AGBL4: variants seen among roughly 807,000 people sequenced by gnomAD.
The protein encoded by AGBL4 is cytosolic carboxypeptidase 6.
A neutral mutation model predicts 66.4 loss-of-function variants in AGBL4; 58 were observed. That is an observed-to-expected ratio of 0.87 (90% CI 0.71 to 1.09). The LOEUF (loss-of-function observed/expected upper bound fraction) is 1.09, where lower values mean the gene tolerates loss of function less well. AGBL4 is among the 50% of genes least tolerant of loss of function. AGBL4 has a pLI of 0.00. For missense variants in AGBL4, 579 were observed against 631.0 expected (o/e 0.92, Z 0.88); for synonymous variants, 234 against 222.9 (o/e 1.05, Z -0.44).
In AGBL4 at chr1:49,106,417, CAT is replaced by C. The variant is rs369641083; in HGVS notation, c.378-60619_378-60618del. ...TTTGAATTTCAGTGAAGGGTGTTAT[CAT>C]ATGTTTGTCCTAAGAGAAGCAGTGT... On this transcript the variant is annotated intron_variant, in intron 4 of 13. Coordinates refer to ENST00000371839, the MANE Select transcript of AGBL4 (RefSeq NM_032785.4). Among the ~76,000 whole-genome samples the C allele has an allele frequency of 6.7e-4, 102 of 152,258 alleles. 2 individuals carry two copies. The East Asian group carries it at 0.016, about 24-fold the overall frequency.
At chr1:49,844,445 C>G (rs1646084707) in intron 2 of AGBL4, among the ~76,000 whole-genome samples, 1 of 152,126 alleles carries the variant, frequency 6.6e-6, no homozygotes, top group African/African-American at 2.4e-5. Flanking sequence ...TTCCTCTCCT[C>G]TTCCTTTCCT....
At chr1:49,598,631 G>A (rs1278534408) in intron 3 of AGBL4, among the ~76,000 whole-genome samples, 1 of 152,092 alleles carries the variant, frequency 6.6e-6, no homozygotes, top group Non-Finnish European at 1.5e-5. Flanking sequence ...CCCTACTGGG[G>A]GGTGCCTCCC....
At chr1:48,639,370 T>C (rs1023094164) in intron 8 of AGBL4, among the ~76,000 whole-genome samples, 1 of 152,154 alleles carries the variant, frequency 6.6e-6, no homozygotes, top group Non-Finnish European at 1.5e-5. Context: ...GAGCCTGGGG[T>C]ACAGGTCCCA....
chr1:49,366,494 G>A (rs888375977), intron 3 of AGBL4, among the ~76,000 whole-genome samples: 9 of 152,138 alleles, frequency 5.9e-5, no homozygotes, highest in Non-Finnish European at 1.0e-4. Context: ...AAAAATCTTA[G>A]GGGTGTAGGA....
chr1:49,423,393 C>T (rs1200451065), intron 3 of AGBL4, among the ~76,000 whole-genome samples: 1 of 152,154 alleles, frequency 6.6e-6, no homozygotes, highest in Non-Finnish European at 1.5e-5. Context: ...CTGGAAATAG[C>T]TGCAATTCAG....
At chr1:48,735,488 G>C (rs1204790990) in intron 6 of AGBL4, among the ~76,000 whole-genome samples, 1 of 151,316 alleles carries the variant, frequency 6.6e-6, no homozygotes, top group African/African-American at 2.4e-5. Flanking sequence ...GAAGGAAAAA[G>C]GAGGAAGGAG....
At chr1:48,885,254 A>C (rs1317323394) in intron 5 of AGBL4, among the ~76,000 whole-genome samples, 1 of 152,260 alleles carries the variant, frequency 6.6e-6, no homozygotes, top group Non-Finnish European at 1.5e-5. Context: ...TGCAATGTCC[A>C]TAAATATTTA....
chr1:49,217,504 T>C (rs1281509780), intron 4 of AGBL4, among the ~76,000 whole-genome samples: 1 of 152,150 alleles, frequency 6.6e-6, no homozygotes, highest in Non-Finnish European at 1.5e-5. Flanking sequence ...CTCTCTCTGA[T>C]CTATGCACCC....
intron 5 of AGBL4, among the ~76,000 whole-genome samples, chr1:48,940,794 A>G (rs1257687898): frequency 6.6e-6 from 1 of 152,210 alleles, no homozygotes; most frequent in African/African-American, 2.4e-5. Flanking sequence ...CTTGCTCTCA[A>G]TCATTGGTTA....
chr1:49,076,461 A>T (rs1206177744), intron 4 of AGBL4, among the ~76,000 whole-genome samples: 1 of 152,206 alleles, frequency 6.6e-6, no homozygotes, highest in Non-Finnish European at 1.5e-5. Flanking sequence ...TTCACTATTG[A>T]GTGCATTTGA....
At chr1:49,996,355 T>G (rs1307274818) in intron 1 of AGBL4, 1 of 151,986 alleles carries the variant, frequency 6.6e-6, no homozygotes, top group African/African-American at 2.4e-5. Flanking sequence ...GAGAAATAGA[T>G]AGCATAAATA....
At chr1:48,979,287 AC>A (rs1659568837) in intron 5 of AGBL4, among the ~76,000 whole-genome samples, 1 of 152,166 alleles carries the variant, frequency 6.6e-6, no homozygotes, top group African/African-American at 2.4e-5. Context: ...AACATTACTC[AC>A]TAATTCATTT....
intron 1 of AGBL4, among the ~76,000 whole-genome samples, chr1:49,976,478 C>T (rs1383311266): frequency 2.0e-5 from 3 of 152,148 alleles, no homozygotes; most frequent in African/African-American, 7.2e-5. Context: ...GAAACTAACT[C>T]TAACAAGGAA....
chr1:49,415,614 A>G (rs1387287790), intron 3 of AGBL4, among the ~76,000 whole-genome samples: 1 of 152,160 alleles, frequency 6.6e-6, no homozygotes, highest in Non-Finnish European at 1.5e-5. Context: ...CTTGAGAGTC[A>G]GGCTAAAGAA....
chr1:49,614,101 C>A (rs573845188), intron 3 of AGBL4, among the ~76,000 whole-genome samples: 1 of 152,114 alleles, frequency 6.6e-6, no homozygotes, highest in African/African-American at 2.4e-5. Flanking sequence ...TAAAATTGCA[C>A]GAATTACAGA....
At chr1:49,371,637 C>T (rs779067530) in intron 3 of AGBL4, among the ~76,000 whole-genome samples, 1 of 152,092 alleles carries the variant, frequency 6.6e-6, no homozygotes, top group Non-Finnish European at 1.5e-5. Flanking sequence ...AAAATCTTTG[C>T]AATTTTAGTC....
chr1:49,977,277 T>C (rs12405353), intron 1 of AGBL4, among the ~76,000 whole-genome samples: 148,399 of 151,296 alleles, frequency 0.98, 72,821 homozygotes, highest in East Asian at 1. Context: ...CTCCCATCTT[T>C]CATGAGCTTC....
chr1:49,934,057 G>A (rs1474947694), intron 1 of AGBL4, among the ~76,000 whole-genome samples: 1 of 151,760 alleles, frequency 6.6e-6, no homozygotes, highest in Non-Finnish European at 1.5e-5. Flanking sequence ...TGAAAATGAA[G>A]GCATAAATAA....
intron 6 of AGBL4, among the ~76,000 whole-genome samples, chr1:48,755,201 C>T (rs1652358732): frequency 6.6e-6 from 1 of 152,214 alleles, no homozygotes; most frequent in South Asian, 2.1e-4. Context: ...ATTACAACTC[C>T]TGGCTGCTGA....
Sources: gnomAD v4.1 joint callset for allele counts (sites outside exome capture counted in the v4.1 genomes callset) on GRCh38, gnomAD v4.1.1 for gene constraint, MANE v1.5 for transcripts, NCBI Gene and HGNC (gene_info 2026-07-23, HGNC 2026-07-21) for gene names.